The following RBMS1 variants were observed in gnomAD, a reference collection of about 807,000 sequenced individuals.
RBMS1 encodes the protein RNA-binding motif, single-stranded-interacting protein 1.
Under a neutral mutation model 62.3 loss-of-function variants are expected in RBMS1, and 17 were observed. The observed-to-expected ratio is 0.27, with a 90% CI of 0.19 to 0.41. The LOEUF (loss-of-function observed/expected upper bound fraction) is 0.41, where lower values mean the gene tolerates loss of function less well. Among genes scored for constraint, RBMS1 ranks in the 10% least tolerant of loss-of-function variants. The pLI, the probability that RBMS1 is intolerant of heterozygous loss-of-function variation, is 1.00. For missense variants in RBMS1, 334 were observed against 504.5 expected (o/e 0.66, Z 3.24); for synonymous variants, 172 against 170.0 (o/e 1.01, Z -0.09).
chr2:160,281,463 G>A, intron 9 of RBMS1, 99 bp from the exon 10 acceptor site: 2 of 991,250 alleles, frequency 2.0e-6, no homozygotes, highest in Admixed American at 2.3e-5. Flanking sequence ...TCTACAGAAA[G>A]AAAACAAGGA....
intron 2 of RBMS1, among the ~76,000 whole-genome samples, chr2:160,321,384 T>C (rs1344769736): frequency 2.0e-5 from 3 of 152,156 alleles, no homozygotes; most frequent in Non-Finnish European, 2.9e-5. Context: ...TCAAGTTTAA[T>C]ATTTGGTCTT....
intron 2 of RBMS1, among the ~76,000 whole-genome samples, chr2:160,323,612 G>GAA (rs1213069883): frequency 8.1e-5 from 7 of 86,122 alleles, no homozygotes; most frequent in African/African-American, 2.7e-4. Flanking sequence ...TTTCATGAAA[G>GAA]AAAAAAAAAA....
chr2:160,412,514 C>G (rs1389195291), intron 1 of RBMS1, among the ~76,000 whole-genome samples: 1 of 152,196 alleles, frequency 6.6e-6, no homozygotes, highest in Non-Finnish European at 1.5e-5. Context: ...CTCTAAAACT[C>G]TGTAACGCCG....
At chr2:160,368,708 G>A (rs1026477302) in intron 1 of RBMS1, among the ~76,000 whole-genome samples, 4 of 152,022 alleles carry the variant, frequency 2.6e-5, no homozygotes, top group Admixed American at 6.5e-5. Flanking sequence ...GTGCAATCTC[G>A]GCTCACCGGA....
At chr2:160,373,819 T>C (rs1164593847) in intron 1 of RBMS1, among the ~76,000 whole-genome samples, 1 of 152,166 alleles carries the variant, frequency 6.6e-6, no homozygotes, top group Non-Finnish European at 1.5e-5. Context: ...CTACCCTTAA[T>C]TGCATTGCTT....
intron 2 of RBMS1, among the ~76,000 whole-genome samples, chr2:160,339,246 C>T (rs1691737075): frequency 6.6e-6 from 1 of 152,166 alleles, no homozygotes; most frequent in African/African-American, 2.4e-5. Context: ...TAACACAACT[C>T]CTTCCAGTCC....
At chr2:160,412,501 G>A (rs1696073514) in intron 1 of RBMS1, among the ~76,000 whole-genome samples, 1 of 152,182 alleles carries the variant, frequency 6.6e-6, no homozygotes, top group South Asian at 2.1e-4. Flanking sequence ...TAAGTCTTAT[G>A]CTCTCTAAAA....
Position 160,493,301 on chromosome 2 carries a change from A to G in RBMS1, c.63T>C (p.Tyr21=), listed in dbSNP as rs1457329104. The stretch of plus-strand genomic sequence containing the variant: ...GGCGCCCCTTTACCTTGGCTTGCAG[A>G]TACTGGGGGTAATAGTAGGTGGCGT... ...PQYATYYYPQ[Y]LQAKQSLVPA... Residue 21 remains tyrosine (Y), a synonymous_variant, in exon 1 of 14, where the codon TAT becomes TAC. Transcript: ENST00000348849. 5 of 1,613,226 alleles carry G rather than the reference A, an allele frequency of 3.1e-6. No individual in the cohort carries two copies. Among genetic ancestry groups the G allele is most frequent in the Non-Finnish European group, 4.2e-6 (5 of 1,179,476 alleles).
chr2:160,367,240 T>C lies in RBMS1; in HGVS notation c.227A>G (p.Gln76Arg), dbSNP rs1325118004. The C allele has an allele frequency of 8.1e-6, 13 of 1,613,786 alleles. No individual in the cohort carries two copies. The highest frequency in any genetic ancestry group is 1.0e-5 in the Non-Finnish European group (12 of 1,179,974). Residue 76 changes from glutamine to arginine, a missense_variant, in exon 2 of 14, where the codon CAG (glutamine) becomes CGG (arginine). Physicochemically the swap from Gln to Arg is conservative, Grantham distance 43 (BLOSUM62 1). Transcript: ENST00000348849. ...IRGLPPHTTD[Q>R]DLVKLCQPYG... The stretch of plus-strand genomic sequence containing the variant: ...CGGTTGACAGAGCTTCACCAGGTCC[T>C]GGTCGGTGGTGTGGGGAGGCAGTCC...
intron 1 of RBMS1, among the ~76,000 whole-genome samples, chr2:160,419,308 T>G (rs1696320800): frequency 6.6e-6 from 1 of 152,180 alleles, no homozygotes; most frequent in African/African-American, 2.4e-5. Context: ...CAAATCACTA[T>G]AGGAACTGTT....
chr2:160,365,454 C>T (rs1483304206), intron 2 of RBMS1, among the ~76,000 whole-genome samples: 2 of 151,894 alleles, frequency 1.3e-5, no homozygotes, highest in Admixed American at 1.3e-4. Flanking sequence ...AAGAGAACAA[C>T]AAAAAAGAAA....
chr2:160,326,090 A>G (rs1021678167), intron 2 of RBMS1, among the ~76,000 whole-genome samples: 2 of 152,184 alleles, frequency 1.3e-5, no homozygotes, highest in African/African-American at 2.4e-5. Flanking sequence ...CCAGGGTTTA[A>G]AGGAGAATGC....
chr2:160,333,726 T>G (rs1429191963), intron 2 of RBMS1, among the ~76,000 whole-genome samples: 1 of 151,948 alleles, frequency 6.6e-6, no homozygotes, highest in Non-Finnish European at 1.5e-5. Context: ...TGGTGGAGAG[T>G]AATAAGCACT....
chr2:160,450,736 A>T (rs1683948746), intron 1 of RBMS1, among the ~76,000 whole-genome samples: 1 of 152,158 alleles, frequency 6.6e-6, no homozygotes, highest in South Asian at 2.1e-4. Context: ...GTCTATAATT[A>T]AACAGGAAGA....
At chr2:160,472,287 C>T (rs1391005225) in intron 1 of RBMS1, among the ~76,000 whole-genome samples, 1 of 152,098 alleles carries the variant, frequency 6.6e-6, no homozygotes, top group Non-Finnish European at 1.5e-5. Flanking sequence ...TCAATAAAAA[C>T]CCAATACCTA....
At chr2:160,432,232 C>A (rs940903442) in intron 1 of RBMS1, 2 of 152,002 alleles carry the variant, frequency 1.3e-5, no homozygotes, top group Non-Finnish European at 2.9e-5. Flanking sequence ...AGACTCTGAT[C>A]CAGTAATATG....
At chr2:160,376,447 T>C (rs1294676503) in intron 1 of RBMS1, among the ~76,000 whole-genome samples, 1 of 152,158 alleles carries the variant, frequency 6.6e-6, no homozygotes, top group African/African-American at 2.4e-5. Flanking sequence ...TAATTTTGTG[T>C]ATAAACATCA....
At chr2:160,386,374 A>G (rs1694576156) in intron 1 of RBMS1, among the ~76,000 whole-genome samples, 1 of 152,162 alleles carries the variant, frequency 6.6e-6, no homozygotes, top group South Asian at 2.1e-4. Context: ...CGTCTTTACT[A>G]AAAATACAAA....
chr2:160,368,288 G>A (rs1255860643), intron 1 of RBMS1, among the ~76,000 whole-genome samples: 3 of 152,184 alleles, frequency 2.0e-5, no homozygotes, highest in Non-Finnish European at 4.4e-5. Flanking sequence ...GGACAGGGAC[G>A]TTTTTTCACC....
Sources: gnomAD v4.1 joint callset for allele counts (sites outside exome capture counted in the v4.1 genomes callset) on GRCh38, gnomAD v4.1.1 for gene constraint, MANE v1.5 for transcripts, NCBI Gene and HGNC (gene_info 2026-07-23, HGNC 2026-07-21) for gene names.